Variants in SLC6A15 observed in about 807,000 individuals in gnomAD.
SLC6A15 encodes the protein sodium-dependent neutral amino acid transporter B(0)AT2.
Under a neutral mutation model 68.5 loss-of-function variants are expected in SLC6A15, and 33 were observed. The observed-to-expected ratio is 0.48, with a 90% CI of 0.37 to 0.64. The LOEUF is 0.64. Among genes scored for constraint, SLC6A15 ranks in the 30% least tolerant of loss-of-function variants. The pLI, the probability that SLC6A15 is intolerant of heterozygous loss-of-function variation, is 0.00. For missense variants in SLC6A15, 747 were observed against 874.3 expected (o/e 0.85, Z 1.84); for synonymous variants, 347 against 301.0 (o/e 1.15, Z -1.58).
intron 1 of SLC6A15, among the ~76,000 whole-genome samples, chr12:84,893,491 T>A (rs1872514751): frequency 6.6e-6 from 1 of 152,048 alleles, no homozygotes; most frequent in African/African-American, 2.4e-5. Context: ...AGTAAATATA[T>A]AAGACATGTC....
intron 7 of SLC6A15, 112 bp downstream of exon 7, chr12:84,872,975 G>A: frequency 7.5e-7 from 1 of 1,334,896 alleles, no homozygotes. Context: ...GTATGTTTGT[G>A]TCGAACTATC....
At chr12:84,892,348 T>C (rs935434795) in intron 1 of SLC6A15, 40 bp from the exon 2 acceptor site, 4 of 390,584 alleles carry the variant, frequency 1.0e-5, no homozygotes, top group South Asian at 7.3e-5. Flanking sequence ...TATTTAATGA[T>C]GAAAAAATTT....
intron 5 of SLC6A15, among the ~76,000 whole-genome samples, chr12:84,877,337 G>T (rs2120600455): frequency 6.6e-6 from 1 of 152,238 alleles, no homozygotes; most frequent in Admixed American, 6.5e-5. Flanking sequence ...CAAACATCTA[G>T]AAATGGTTCT....
In SLC6A15 at chr12:84,891,996, T is replaced by G; in HGVS notation, c.125A>C (p.Asp42Ala). The G allele has an allele frequency of 6.2e-7, 1 of 1,614,102 alleles. No individual in the cohort carries two copies. The highest frequency in any genetic ancestry group is 8.5e-7 in the Non-Finnish European group (1 of 1,180,002). Reference protein sequence around the residue: ...DAFKTSELIVDGQEEKDTDVE... With the variant: ...DAFKTSELIVAGQEEKDTDVE... ...ATCTGTATCTTTCTCTTCCTGGCCA[T>G]CAACAATTAGTTCACTTGTCTTAAA... The change falls in exon 2 of 12, where the codon GAT becomes GCT. Residue 42 changes from aspartate (D) to alanine (A), a missense_variant. Transcript: ENST00000266682.
chr12:84,901,468 G>C (rs1872874737), intron 1 of SLC6A15, among the ~76,000 whole-genome samples: 1 of 151,562 alleles, frequency 6.6e-6, no homozygotes, highest in South Asian at 2.1e-4. Flanking sequence ...TACTGATATT[G>C]GTAATAGGTC....
intron 10 of SLC6A15, among the ~76,000 whole-genome samples, chr12:84,866,283 C>T (rs953888746): frequency 5.3e-5 from 8 of 152,102 alleles, no homozygotes; most frequent in African/African-American, 1.7e-4. Context: ...AGGTCTTTTT[C>T]CCTTGAGAGA....
chr12:84,885,685 A>G lies in SLC6A15; in HGVS notation c.448-124T>C, dbSNP rs1049445256. 15 of 1,150,418 alleles carry G rather than the reference A, an allele frequency of 1.3e-5. No homozygotes were observed. In the Admixed American group the frequency reaches 1.4e-4, roughly 11 times the overall value. 71.3% of individuals were successfully genotyped at this position (1,150,418 alleles called of 1,614,324 possible). A position where few individuals can be genotyped will look rare whatever the true frequency, so the allele number is the denominator to read the frequency against. On this transcript the variant is annotated intron_variant, in intron 3 of 11. Transcript: ENST00000266682. ...CTTCATTTTATTATTTATTTGGGAC[A>G]CATTATCTTTTCTAAAAAGTTAATG...
intron 1 of SLC6A15, among the ~76,000 whole-genome samples, chr12:84,898,787 G>C (rs1331786894): frequency 6.6e-6 from 1 of 152,192 alleles, no homozygotes; most frequent in East Asian, 1.9e-4. Context: ...TAGGTCCAGA[G>C]CCAATGCTGC....
chr12:84,872,843 T>C (rs1381178016), intron 7 of SLC6A15, 49 bp from the exon 8 acceptor site: 1 of 1,449,392 alleles, frequency 6.9e-7, no homozygotes, highest in African/African-American at 1.4e-5. Flanking sequence ...TTCTTTGGTG[T>C]ATAGTTTGTG....
chr12:84,865,336 A>G (rs1378200358), intron 10 of SLC6A15, among the ~76,000 whole-genome samples: 2 of 152,216 alleles, frequency 1.3e-5, no homozygotes, highest in East Asian at 1.9e-4. Context: ...AGCAAAATTG[A>G]GCTGAAAGTA....
At chr12:84,879,872 C>T (rs1414102780) in intron 5 of SLC6A15, among the ~76,000 whole-genome samples, 1 of 152,060 alleles carries the variant, frequency 6.6e-6, no homozygotes, top group African/African-American at 2.4e-5. Context: ...AGCAGATATT[C>T]AAATATATTG....
chr12:84,908,794 C>A (rs1873300398), intron 1 of SLC6A15, among the ~76,000 whole-genome samples: 2 of 151,832 alleles, frequency 1.3e-5, no homozygotes, highest in African/African-American at 4.8e-5. Context: ...TCCCCACCAG[C>A]CCCCAATCTG....
At chr12:84,890,101 C>A (rs1057028422) in intron 2 of SLC6A15, among the ~76,000 whole-genome samples, 4 of 152,142 alleles carry the variant, frequency 2.6e-5, no homozygotes, top group Non-Finnish European at 5.9e-5. Flanking sequence ...TGAGTACAAT[C>A]TTTGGTACTG....
rs1291081638 is a variant in SLC6A15, at chr12:84,863,508, T to C, written c.1749A>G (p.Ser583=). Residue 583 remains serine (S), a synonymous_variant, in exon 11 of 12, where the codon TCA becomes TCG. Transcript: ENST00000266682. Reference sequence around the variant, plus strand: ...TATTCACAACACTAGCTATTAGCAATGATAATAGCATTAGAGGAGAAATAT... The same window carrying C: ...TATTCACAACACTAGCTATTAGCAACGATAATAGCATTAGAGGAGAAATAT... ...WKYISPLMLL[S]LLIASVVNMG... 1.3e-6 allele frequency: 2 copies of C among 1,597,558 alleles called. No individual in the cohort carries two copies. The highest frequency in any genetic ancestry group is 1.7e-6 in the Non-Finnish European group (2 of 1,173,638).
At chr12:84,909,766 C>A (rs1183995154) in intron 1 of SLC6A15, among the ~76,000 whole-genome samples, 1 of 152,108 alleles carries the variant, frequency 6.6e-6, no homozygotes, top group Non-Finnish European at 1.5e-5. Context: ...TTTTTAGGAG[C>A]TTTTGATAGC....
chr12:84,860,720 G>A lies in SLC6A15; in HGVS notation c.*912C>T, dbSNP rs1483581459. ...ACAATTTTAACAATCACTTAAAAAT[G>A]ATTTATATTTGCATAAAACAGAAGC... On this transcript the variant is annotated 3_prime_UTR_variant, in exon 12 of 12. Coordinates refer to ENST00000266682, the MANE Select transcript of SLC6A15 (RefSeq NM_182767.6). 3 of 152,124 alleles carry A rather than the reference G, an allele frequency of 2.0e-5. No homozygotes were observed. Among genetic ancestry groups the A allele is most frequent in the East Asian group, 3.9e-4 (2 of 5,178 alleles). The allele number at this position is 152,124 out of a possible 1,614,324, so 9.4% of individuals were successfully genotyped here. A position where few individuals can be genotyped will look rare whatever the true frequency, so the allele number is the denominator to read the frequency against.
At chr12:84,900,080 C>A (rs1275838862) in intron 1 of SLC6A15, among the ~76,000 whole-genome samples, 1 of 152,062 alleles carries the variant, frequency 6.6e-6, no homozygotes. Context: ...TTGGGGAACA[C>A]TGATATCTAC....
chr12:84,901,231 G>C (rs994525714), intron 1 of SLC6A15, among the ~76,000 whole-genome samples: 7 of 151,386 alleles, frequency 4.6e-5, no homozygotes, highest in Non-Finnish European at 8.9e-5. Context: ...AAAGCCATCT[G>C]GGCTTGGGGT....
intron 2 of SLC6A15, among the ~76,000 whole-genome samples, chr12:84,886,941 T>C (rs967004469): frequency 1.3e-5 from 2 of 151,738 alleles, no homozygotes; most frequent in Non-Finnish European, 2.9e-5. Flanking sequence ...CTCATTTCTT[T>C]GTGTCTTTCT....
Sources: gnomAD v4.1 joint callset for allele counts (sites outside exome capture counted in the v4.1 genomes callset) on GRCh38, gnomAD v4.1.1 for gene constraint, MANE v1.5 for transcripts, NCBI Gene and HGNC (gene_info 2026-07-23, HGNC 2026-07-21) for gene names.